Variants in DLG2 observed in about 807,000 individuals in gnomAD.
DLG2 encodes discs large MAGUK scaffold protein 2, also known as disks large homolog 2.
DLG2 carries 45 observed loss-of-function variants against 132.5 expected under a neutral mutation model. The observed-to-expected ratio is 0.34, with a 90% CI of 0.27 to 0.44. DLG2 has a LOEUF of 0.44. Among genes scored for constraint, DLG2 ranks in the 20% least tolerant of loss-of-function variants. The pLI is 1.00. For synonymous variants in DLG2, 424 were observed against 419.6 expected (o/e 1.01, Z -0.13); for missense variants, 1,045 against 1,196.9 (o/e 0.87, Z 1.87).
At chr11:84,945,872 C>G (rs1317320850) in intron 6 of DLG2, among the ~76,000 whole-genome samples, 2 of 152,060 alleles carry the variant, frequency 1.3e-5, no homozygotes, top group East Asian at 3.9e-4. Context: ...CCTGAAGAAG[C>G]CACTTGGTGC....
chr11:83,520,891 C>T (rs915498833), intron 21 of DLG2, among the ~76,000 whole-genome samples: 39 of 152,294 alleles, frequency 2.6e-4, no homozygotes, highest in Non-Finnish European at 5.6e-4. Flanking sequence ...TGGTCTGTCT[C>T]AGATGACACA....
At chr11:84,515,723 C>T (rs2099270769) in intron 7 of DLG2, among the ~76,000 whole-genome samples, 1 of 151,832 alleles carries the variant, frequency 6.6e-6, no homozygotes, top group African/African-American at 2.4e-5. Flanking sequence ...AAACTATACT[C>T]TAGATCAAAT....
At chr11:84,065,561 A>C (rs1413272218) in intron 10 of DLG2, among the ~76,000 whole-genome samples, 1 of 152,200 alleles carries the variant, frequency 6.6e-6, no homozygotes, top group Non-Finnish European at 1.5e-5. Context: ...AAAAGGCAAA[A>C]AATAACAGAT....
chr11:84,639,104 T>C (rs972667415), intron 6 of DLG2, among the ~76,000 whole-genome samples: 1 of 152,224 alleles, frequency 6.6e-6, no homozygotes, highest in Non-Finnish European at 1.5e-5. Flanking sequence ...AAGTATGTTA[T>C]GAGTTCCTTC....
At chr11:83,497,609 T>C (rs77486665) in intron 21 of DLG2, among the ~76,000 whole-genome samples, 5,150 of 152,224 alleles carry the variant, frequency 0.034, 316 homozygotes, top group African/African-American at 0.12. Context: ...TCTGCAGTTA[T>C]CTCAGATTTG....
rs148590953 is a variant in DLG2 at position 83,710,311 on chromosome 11, C to T, written c.1825+76379G>A. ...CCAAGTAGCTTGGACTACAGGTACCCGCCACCATGCCTGATTAATTTTTTA... is the reference window on the plus strand; with the variant it reads ...CCAAGTAGCTTGGACTACAGGTACCTGCCACCATGCCTGATTAATTTTTTA... On this transcript the variant is annotated intron_variant, in intron 18 of 27. Coordinates refer to ENST00000376104, the MANE Select transcript of DLG2 (RefSeq NM_001142699.3). 3.4e-3 allele frequency among the ~76,000 whole-genome samples: 512 copies of T among 152,074 alleles called. 4 individuals are homozygous for T. Among genetic ancestry groups the T allele is most frequent in the African/African-American group, 0.012 (483 of 41,480 alleles).
intron 17 of DLG2, among the ~76,000 whole-genome samples, chr11:83,793,999 A>C (rs557816324): frequency 6.6e-6 from 1 of 152,326 alleles, no homozygotes; most frequent in East Asian, 1.9e-4. Context: ...ACTGGCCCAA[A>C]GTCATACTGA....
rs75564882 is a variant in DLG2, at chr11:85,277,231, A to G, written c.186+7989T>C. Among the ~76,000 whole-genome samples the G allele has an allele frequency of 3.0e-3, 460 of 152,296 alleles. 4 individuals are homozygous for G. The highest frequency in any genetic ancestry group is 0.011 in the African/African-American group (438 of 41,586). Reference sequence around the variant, plus strand: ...AGGGAGGTAGAGCTACAAGAGGAAAATCCTGACTATGAAGACCAGTTAAAG... The same window carrying G: ...AGGGAGGTAGAGCTACAAGAGGAAAGTCCTGACTATGAAGACCAGTTAAAG... On this transcript the variant is annotated intron_variant, in intron 4 of 27. Coordinates refer to ENST00000376104, the MANE Select transcript of DLG2 (RefSeq NM_001142699.3).
intron 6 of DLG2, among the ~76,000 whole-genome samples, chr11:84,643,562 C>T (rs891262602): frequency 2.0e-5 from 3 of 152,130 alleles, no homozygotes; most frequent in African/African-American, 4.8e-5. Flanking sequence ...TTATTATTCC[C>T]TCAAATCTGG....
intron 16 of DLG2, among the ~76,000 whole-genome samples, chr11:83,869,399 G>T (rs996875035): frequency 6.6e-6 from 1 of 152,160 alleles, no homozygotes; most frequent in Admixed American, 6.5e-5. Context: ...GATGTTCCTT[G>T]GAAAGGATAC....
At chr11:83,853,176 T>C (rs987915057) in intron 16 of DLG2, among the ~76,000 whole-genome samples, 5 of 152,110 alleles carry the variant, frequency 3.3e-5, no homozygotes, top group Admixed American at 3.3e-4. Flanking sequence ...CTAGCTTTTC[T>C]TTAAGTGGAC....
At chr11:84,301,991 G>A (rs1028784083) in intron 7 of DLG2, among the ~76,000 whole-genome samples, 20 of 152,066 alleles carry the variant, frequency 1.3e-4, no homozygotes, top group African/African-American at 4.3e-4. Flanking sequence ...AATGTGACAC[G>A]CATACACCAG....
chr11:84,579,124 C>G (rs148389197), intron 6 of DLG2, among the ~76,000 whole-genome samples: 1 of 151,700 alleles, frequency 6.6e-6, no homozygotes, highest in East Asian at 1.9e-4. Flanking sequence ...TCTTTTTGTT[C>G]AAAGTTTTGG....
Position 84,733,810 on chromosome 11 carries a change from T to G in DLG2, c.358-199079A>C, listed in dbSNP as rs538369574. On this transcript the variant is annotated intron_variant, in intron 6 of 27. Transcript: ENST00000376104. ...TCTTTAATCCATCTTGAACTAATTTTTGTATAAGGTGTAAGGAAGGGATCC... is the reference window on the plus strand; with the variant it reads ...TCTTTAATCCATCTTGAACTAATTTGTGTATAAGGTGTAAGGAAGGGATCC... Among the ~76,000 whole-genome samples the G allele has an allele frequency of 7.2e-5, 11 of 152,300 alleles. No homozygotes were observed. In the South Asian group the frequency reaches 1.0e-3, roughly 14 times the overall value.
At chr11:84,653,851 A>G (rs936539642) in intron 6 of DLG2, among the ~76,000 whole-genome samples, 2 of 152,168 alleles carry the variant, frequency 1.3e-5, no homozygotes, top group Non-Finnish European at 2.9e-5. Context: ...CAGAGGAATT[A>G]GTAGCTTATT....
intron 6 of DLG2, among the ~76,000 whole-genome samples, chr11:84,999,245 C>A (rs1255541227): frequency 1.3e-5 from 2 of 152,080 alleles, no homozygotes; most frequent in Admixed American, 6.6e-5. Context: ...GGTTGCTAGG[C>A]AGATACTCCT....
At chr11:85,377,828 CAT>C (rs1167503374) in intron 3 of DLG2, among the ~76,000 whole-genome samples, 4 of 123,174 alleles carry the variant, frequency 3.2e-5, no homozygotes, top group African/African-American at 9.0e-5. Context: ...TGTGTGTATA[CAT>C]ATATATGTGT....
chr11:85,612,238 C>G (rs1188148826), intron 2 of DLG2, among the ~76,000 whole-genome samples: 1 of 152,236 alleles, frequency 6.6e-6, no homozygotes, highest in Non-Finnish European at 1.5e-5. Context: ...AGGCCACTGA[C>G]AACCCATAGC....
chr11:84,296,133 G>C (rs1256184856), intron 7 of DLG2, among the ~76,000 whole-genome samples: 1 of 151,844 alleles, frequency 6.6e-6, no homozygotes, highest in African/African-American at 2.4e-5. Flanking sequence ...AACACAACTT[G>C]TTTATTACTA....
Sources: gnomAD v4.1 joint callset for allele counts (sites outside exome capture counted in the v4.1 genomes callset) on GRCh38, gnomAD v4.1.1 for gene constraint, MANE v1.5 for transcripts, NCBI Gene and HGNC (gene_info 2026-07-23, HGNC 2026-07-21) for gene names.